CREB5: variants seen among roughly 807,000 people sequenced by gnomAD.
The protein encoded by CREB5 is cAMP responsive element binding protein 5, also known as cyclic AMP-responsive element-binding protein 5.
A neutral mutation model predicts 57.1 loss-of-function variants in CREB5; 19 were observed. That is an observed-to-expected ratio of 0.33 (90% CI 0.23 to 0.49). The LOEUF (loss-of-function observed/expected upper bound fraction) is 0.49, where lower values mean the gene tolerates loss of function less well. CREB5 is among the 20% of genes least tolerant of loss of function. The pLI is 0.99. For synonymous variants in CREB5, 238 were observed against 238.3 expected, an observed-to-expected ratio of 1.00 and a Z score of 0.01; for missense variants, 579 against 671.6, an observed-to-expected ratio of 0.86 and a Z score of 1.52.
At chr7:28,780,039 G>A (rs1806880077) in intron 7 of CREB5, among the ~76,000 whole-genome samples, 2 of 152,174 alleles carry the variant, frequency 1.3e-5, no homozygotes, top group African/African-American at 4.8e-5. Context: ...AAAATGTTGG[G>A]ATTACAGGGC....
chr7:28,433,902 TA>T (rs1191452814), intron 1 of CREB5, among the ~76,000 whole-genome samples: 3 of 151,872 alleles, frequency 2.0e-5, no homozygotes, highest in Non-Finnish European at 2.9e-5. Flanking sequence ...ATAAAATTTT[TA>T]AAAGATCCAG....
chr7:28,695,715 G>C (rs1440403163), intron 5 of CREB5, among the ~76,000 whole-genome samples: 3 of 152,246 alleles, frequency 2.0e-5, no homozygotes, highest in Admixed American at 6.5e-5. Context: ...GCTACACTGA[G>C]TGCATGTCTG....
chr7:28,763,396 T>C (rs1337634149), intron 7 of CREB5, among the ~76,000 whole-genome samples: 1 of 152,230 alleles, frequency 6.6e-6, no homozygotes, highest in African/African-American at 2.4e-5. Flanking sequence ...CAGTCCACTA[T>C]TTCTTAGGAG....
chr7:28,571,364 CTTCTTGT>C (rs1305913520), intron 5 of CREB5, among the ~76,000 whole-genome samples: 1 of 152,174 alleles, frequency 6.6e-6, no homozygotes, highest in Non-Finnish European at 1.5e-5. Flanking sequence ...CCTGCTTCTC[CTTCTTGT>C]AACTGCCTCC....
intron 5 of CREB5, among the ~76,000 whole-genome samples, chr7:28,676,026 C>G (rs1800305429): frequency 6.6e-6 from 1 of 152,106 alleles, no homozygotes; most frequent in Non-Finnish European, 1.5e-5. Flanking sequence ...TCTTCATTCT[C>G]CATGTCTTGG....
At chr7:28,582,015 G>A (rs976563170) in intron 5 of CREB5, among the ~76,000 whole-genome samples, 10 of 152,166 alleles carry the variant, frequency 6.6e-5, no homozygotes, top group African/African-American at 2.2e-4. Context: ...GCCCCTGTAC[G>A]AATAAGAAGT....
Position 28,460,100 on chromosome 7 carries a change from A to T in CREB5, c.4-28075A>T, listed in dbSNP as rs116897999. ...ATGTATGAAGACATTCGATGGCTCT[A>T]TAAAATCATTTCTCCTGCCAACTTC... On this transcript the variant is annotated intron_variant, in intron 1 of 10. Transcript: ENST00000357727. Among the ~76,000 whole-genome samples, 375 of 152,352 alleles carry T rather than the reference A, an allele frequency of 2.5e-3. 2 individuals carry two copies. Among genetic ancestry groups the T allele is most frequent in the Non-Finnish European group, 4.0e-3 (270 of 68,036 alleles).
intron 7 of CREB5, among the ~76,000 whole-genome samples, chr7:28,771,071 T>C (rs1296415781): frequency 1.3e-5 from 2 of 152,228 alleles, no homozygotes; most frequent in Non-Finnish European, 2.9e-5. Context: ...AGTAAAGCTG[T>C]AATTTTTTTA....
At chr7:28,522,952 G>C (rs1793275019) in intron 4 of CREB5, among the ~76,000 whole-genome samples, 1 of 152,214 alleles carries the variant, frequency 6.6e-6, no homozygotes, top group African/African-American at 2.4e-5. Flanking sequence ...CTCATCTCCA[G>C]AGTTCTGTGA....
intron 1 of CREB5, among the ~76,000 whole-genome samples, chr7:28,388,313 G>A (rs1462962443): frequency 2.0e-5 from 3 of 152,092 alleles, no homozygotes; most frequent in East Asian, 1.9e-4. Context: ...AGATTTCCTC[G>A]TTCTCTTTAT....
chr7:28,728,342 T>C (rs1803439901), intron 7 of CREB5, among the ~76,000 whole-genome samples: 1 of 152,200 alleles, frequency 6.6e-6, no homozygotes, highest in Non-Finnish European at 1.5e-5. Flanking sequence ...CAGACTCCAG[T>C]AACAAAGCTT....
rs1160797806 is a variant in CREB5, at chr7:28,377,940, AAAAAAC to A, written c.-25+78505_-25+78510del. Among the ~76,000 whole-genome samples the A allele has an allele frequency of 2.2e-3, 324 of 150,628 alleles. 3 individuals are homozygous for A. The highest frequency in any genetic ancestry group is 4.0e-3 in the Non-Finnish European group (268 of 67,616). On this transcript the variant is annotated intron_variant, in intron 1 of 9. Transcript: ENST00000396299. ...GAGCGAGACTCTATCTCAAAAAAAAAAAAAACAAAAAAGAAAAAGAAAAAGAAAAAA... is the reference window on the plus strand; with the variant it reads ...GAGCGAGACTCTATCTCAAAAAAAAAAAAAAAGAAAAAGAAAAAGAAAAAA...
chr7:28,500,383 G>A (rs1471581812), intron 3 of CREB5, among the ~76,000 whole-genome samples: 2 of 152,184 alleles, frequency 1.3e-5, no homozygotes, highest in Non-Finnish European at 2.9e-5. Flanking sequence ...TGGCACAGCT[G>A]ACTATATCTT....
intron 1 of CREB5, among the ~76,000 whole-genome samples, chr7:28,386,053 A>T (rs1787095437): frequency 6.6e-6 from 1 of 151,212 alleles, no homozygotes; most frequent in African/African-American, 2.4e-5. Context: ...ATTTGGGGCA[A>T]CCTTTTTTCA....
At chr7:28,601,616 G>A (rs961614858) in intron 5 of CREB5, among the ~76,000 whole-genome samples, 1 of 152,132 alleles carries the variant, frequency 6.6e-6, no homozygotes, top group Non-Finnish European at 1.5e-5. Context: ...GCAAGGGCTC[G>A]TCATTTATTT....
intron 1 of CREB5, among the ~76,000 whole-genome samples, chr7:28,359,349 C>A (rs1198104623): frequency 6.6e-6 from 1 of 152,100 alleles, no homozygotes; most frequent in African/African-American, 2.4e-5. Flanking sequence ...CTTGTCTTAC[C>A]TCCCCTATAA....
At chr7:28,404,027 T>C (rs1787528885) in intron 1 of CREB5, among the ~76,000 whole-genome samples, 1 of 152,234 alleles carries the variant, frequency 6.6e-6, no homozygotes, top group African/African-American at 2.4e-5. Flanking sequence ...ATAATTTGTA[T>C]GTCATGGCCC....
At chr7:28,445,700 C>G (rs867018584) in intron 1 of CREB5, among the ~76,000 whole-genome samples, 3 of 151,864 alleles carry the variant, frequency 2.0e-5, no homozygotes, top group Admixed American at 6.6e-5. Flanking sequence ...TACAGGCGCC[C>G]GCCACCACGC....
At chr7:28,365,776 A>G (rs1786574074) in intron 1 of CREB5, among the ~76,000 whole-genome samples, 1 of 152,042 alleles carries the variant, frequency 6.6e-6, no homozygotes, top group South Asian at 2.1e-4. Flanking sequence ...ACGCAGCCAA[A>G]CGCTCCCTCT....
Sources: allele counts gnomAD v4.1 joint callset (sites outside exome capture counted in the v4.1 genomes callset), GRCh38; gene constraint gnomAD v4.1.1; transcripts MANE v1.5; gene names NCBI Gene and HGNC (gene_info 2026-07-23, HGNC 2026-07-21).